RBPJ: variants seen among roughly 807,000 people sequenced by gnomAD.
RBPJ encodes the protein recombining binding protein suppressor of hairless.
Under a neutral mutation model 67.8 loss-of-function variants are expected in RBPJ, and 9 were observed. The observed-to-expected ratio is 0.13, with a 90% CI of 0.08 to 0.23. The LOEUF is 0.23. Among genes scored for constraint, RBPJ ranks in the 10% least tolerant of loss-of-function variants. RBPJ has a pLI of 1.00. For missense variants in RBPJ, 305 were observed against 595.6 expected (o/e 0.51, Z 5.08); for synonymous variants, 198 against 203.3 (o/e 0.97, Z 0.22).
intron 1 of RBPJ, among the ~76,000 whole-genome samples, chr4:26,224,830 C>T (rs1192769762): frequency 6.6e-6 from 1 of 152,246 alleles, no homozygotes; most frequent in African/African-American, 2.4e-5. Flanking sequence ...TCACAAGATA[C>T]TGGCTTTAGA....
chr4:26,120,714 C>CTTTTTTTTTTT, the RBPJ span, among the ~76,000 whole-genome samples: 1 of 83,014 alleles, frequency 1.2e-5, no homozygotes, highest in African/African-American at 4.8e-5. Context: ...ATTTTCTCAA[C>CTTTTTTTTTTT]TTTTTTTTTT....
At chr4:26,251,200 TAACA>T (rs1720097320) in intron 1 of RBPJ, among the ~76,000 whole-genome samples, 3 of 152,108 alleles carry the variant, frequency 2.0e-5, no homozygotes, top group Non-Finnish European at 2.9e-5. Flanking sequence ...AGTCAAAGGG[TAACA>T]AACAAAGAGT....
intron 2 of RBPJ, among the ~76,000 whole-genome samples, chr4:26,396,869 C>T (rs2109693490): frequency 6.6e-6 from 1 of 152,268 alleles, no homozygotes; most frequent in Middle Eastern, 3.4e-3. Context: ...TGTTGTTTAG[C>T]TTTGGTCACT....
chr4:26,412,187 C>T (rs890534735), intron 3 of RBPJ, among the ~76,000 whole-genome samples: 8 of 151,544 alleles, frequency 5.3e-5, no homozygotes, highest in South Asian at 2.1e-4. Flanking sequence ...ATATAGGTTG[C>T]GCATTCCCAA....
At chr4:26,332,273 C>T (rs1724345557) in intron 1 of RBPJ, among the ~76,000 whole-genome samples, 1 of 151,646 alleles carries the variant, frequency 6.6e-6, no homozygotes, top group Non-Finnish European at 1.5e-5. Context: ...GTAAGTAAGC[C>T]ATTCTTTGTC....
At chr4:26,277,686 G>A (rs1721129403) in intron 1 of RBPJ, among the ~76,000 whole-genome samples, 1 of 152,232 alleles carries the variant, frequency 6.6e-6, no homozygotes, top group South Asian at 2.1e-4. Context: ...TGGCAGTGAT[G>A]GAGGAACAGA....
At position 26,285,880 on chromosome 4, in the gene RBPJ, C is replaced by A. The variant is rs927864134; in HGVS notation, c.-166-76566C>A. On this transcript the variant is annotated intron_variant, in intron 1 of 4. Coordinates refer to the RBPJ transcript ENST00000512351. ...TGTTGGATATATGAGTGAAATTACC[C>A]ACTGAGAGAGTATTCAAAATTTTAG... Among the ~76,000 whole-genome samples, 15 of 152,078 alleles carry A rather than the reference C, an allele frequency of 9.9e-5. No homozygotes were observed. In the East Asian group the frequency reaches 2.9e-3, roughly 29 times the overall value.
chr4:26,425,340 C>T (rs768848965), intron 7 of RBPJ, among the ~76,000 whole-genome samples: 15 of 152,154 alleles, frequency 9.9e-5, no homozygotes, highest in East Asian at 7.7e-4. Context: ...AATCCCAGCA[C>T]TTCAACAGGT....
At chr4:26,250,603 G>A (rs1403392248) in intron 1 of RBPJ, among the ~76,000 whole-genome samples, 1 of 151,966 alleles carries the variant, frequency 6.6e-6, no homozygotes, top group African/African-American at 2.4e-5. Context: ...AAAGTGCTGG[G>A]ACACAGATGT....
chr4:26,322,779 A>G (rs1363871067), intron 1 of RBPJ: 1 of 151,704 alleles, frequency 6.6e-6, no homozygotes, highest in Non-Finnish European at 1.5e-5. Context: ...GGTAATGCTA[A>G]AAGCTTGGGG....
At chr4:26,134,972 C>T in the RBPJ span, among the ~76,000 whole-genome samples, 7 of 152,312 alleles carry the variant, frequency 4.6e-5, no homozygotes, top group East Asian at 1.9e-4. Flanking sequence ...GGCAGGTCTT[C>T]GGTACCACAG....
At chr4:26,353,148 A>G (rs1227036421) in intron 1 of RBPJ, among the ~76,000 whole-genome samples, 2 of 152,216 alleles carry the variant, frequency 1.3e-5, no homozygotes, top group Non-Finnish European at 2.9e-5. Flanking sequence ...ACCTGTTGCT[A>G]AGGTTTTTTT....
At chr4:26,307,731 A>C (rs1423810286) in intron 1 of RBPJ, among the ~76,000 whole-genome samples, 2 of 152,240 alleles carry the variant, frequency 1.3e-5, no homozygotes, top group Admixed American at 1.3e-4. Flanking sequence ...GAAGAAAAAA[A>C]ACAAACCATG....
At chr4:26,185,692 A>G (rs1443160450) in intron 1 of RBPJ, among the ~76,000 whole-genome samples, 1 of 152,210 alleles carries the variant, frequency 6.6e-6, no homozygotes, top group East Asian at 1.9e-4. Flanking sequence ...GTGCATCTCA[A>G]TTCTGTACTA....
chr4:26,212,552 C>A (rs1253514199), intron 1 of RBPJ, among the ~76,000 whole-genome samples: 4 of 147,180 alleles, frequency 2.7e-5, no homozygotes, highest in African/African-American at 1.0e-4. Flanking sequence ...TTCCCACCTT[C>A]TTTTTTCACA....
chr4:26,419,198 C>T (rs1734887751), intron 4 of RBPJ, among the ~76,000 whole-genome samples: 1 of 152,134 alleles, frequency 6.6e-6, no homozygotes, highest in South Asian at 2.1e-4. Context: ...AGGCTGGTCT[C>T]AAACTTCTGG....
intron 1 of RBPJ, among the ~76,000 whole-genome samples, chr4:26,196,270 T>C (rs962810451): frequency 5.9e-5 from 9 of 152,234 alleles, no homozygotes; most frequent in Non-Finnish European, 1.3e-4. Context: ...GAAGTATTGA[T>C]ACCTGCTGCA....
chr4:26,114,497 A>ATATATATATATGTG, the RBPJ span, among the ~76,000 whole-genome samples: 1 of 140,038 alleles, frequency 7.1e-6, no homozygotes, highest in African/African-American at 2.8e-5. Context: ...ATATATATAT[A>ATATATATATATGTG]TGTATGTGTG....
At chr4:26,313,534 G>A (rs1722506167) in intron 1 of RBPJ, among the ~76,000 whole-genome samples, 1 of 152,090 alleles carries the variant, frequency 6.6e-6, no homozygotes, top group Admixed American at 6.6e-5. Context: ...GCTGGGTGTG[G>A]TGGCGGGCGC....
Sources: allele counts gnomAD v4.1 joint callset (sites outside exome capture counted in the v4.1 genomes callset), GRCh38; gene constraint gnomAD v4.1.1; transcripts MANE v1.5; gene names NCBI Gene and HGNC (gene_info 2026-07-23, HGNC 2026-07-21).